AKR1B10: variants seen among roughly 807,000 people sequenced by gnomAD.
AKR1B10 encodes the protein ARP.
In AKR1B10, 39 loss-of-function variants were observed where a neutral mutation model predicts 38.9. The ratio of observed to expected loss-of-function variants is 1.00; its 90% CI spans 0.78 to 1.31. The LOEUF is 1.31. Among genes scored for constraint, AKR1B10 ranks in the 50% most tolerant of loss-of-function variants. The pLI is 0.00. For missense variants in AKR1B10, 361 were observed against 382.6 expected (o/e 0.94, Z 0.47); for synonymous variants, 148 against 141.2 (o/e 1.05, Z -0.34).
intron 5 of AKR1B10, 78 bp downstream of exon 5, chr7:134,536,850 T>C (rs1808022859): frequency 1.3e-6 from 2 of 1,595,604 alleles, no homozygotes; most frequent in African/African-American, 1.3e-5. Flanking sequence ...TTCAATGCTA[T>C]GCCCTGAGTC....
At position 134,541,333 on chromosome 7, in the gene AKR1B10, A is replaced by G. The variant is rs2117559831; in HGVS notation, c.*244A>G. Reference sequence around the variant, plus strand: ...AATTTTTTCCACTTATCTGATCAGAACAAATGTTTATTAAGCATCAGAAAC... The same window carrying G: ...AATTTTTTCCACTTATCTGATCAGAGCAAATGTTTATTAAGCATCAGAAAC... On this transcript the variant is annotated 3_prime_UTR_variant, in exon 10 of 10. Coordinates refer to ENST00000359579, the MANE Select transcript of AKR1B10 (RefSeq NM_020299.5). 2.4e-6 allele frequency: 1 copy of G among 421,502 alleles called. No individual in the cohort carries two copies. The highest frequency in any genetic ancestry group is 4.2e-6 in the Non-Finnish European group (1 of 238,104). The allele number at this position is 421,502 out of a possible 1,614,324, so 26.1% of individuals were successfully genotyped here. A position where few individuals can be genotyped will look rare whatever the true frequency, so the allele number is the denominator to read the frequency against.
intron 6 of AKR1B10, 74 bp downstream of exon 6, chr7:134,537,231 A>G (rs897389768): frequency 2.0e-6 from 3 of 1,531,532 alleles, no homozygotes; most frequent in African/African-American, 1.4e-5. Context: ...AAATGTTGGT[A>G]TGGGTCCATA....
intron 2 of AKR1B10, among the ~76,000 whole-genome samples, chr7:134,531,042 C>A (rs576878579): frequency 6.6e-6 from 1 of 152,320 alleles, no homozygotes; most frequent in South Asian, 2.1e-4. Flanking sequence ...GGGCTTGGTT[C>A]CATGGAACCC....
intron 2 of AKR1B10, 61 bp downstream of exon 2, chr7:134,530,871 G>T (rs1807836559): frequency 6.5e-7 from 1 of 1,550,228 alleles, no homozygotes; most frequent in Non-Finnish European, 8.7e-7. Context: ...ATCTGGGTCG[G>T]GTTGGCAGCA....
chr7:134,533,009 G>A lies in AKR1B10; in HGVS notation c.357G>A (p.Gly119=). The change falls in exon 4 of 10, where the codon GGG becomes GGA. Residue 119 remains glycine, a synonymous_variant. Transcript: ENST00000359579. ...LIHWPQGFKS[G]DDLFPKDDKG... ...TTTTCATTCTGTGTTCACAGTCTGGGGATGACCTTTTCCCCAAAGATGATA... is the reference window on the plus strand; with the variant it reads ...TTTTCATTCTGTGTTCACAGTCTGGAGATGACCTTTTCCCCAAAGATGATA... 1 of 1,602,850 alleles carries A rather than the reference G, an allele frequency of 6.2e-7. No individual in the cohort carries two copies. The highest frequency in any genetic ancestry group is 8.5e-7 in the Non-Finnish European group (1 of 1,176,058).
intron 3 of AKR1B10, 105 bp from the exon 4 acceptor site, chr7:134,532,899 T>C (rs1807898933): frequency 2.3e-6 from 2 of 867,474 alleles, no homozygotes; most frequent in Non-Finnish European, 3.7e-6. Context: ...GAAAAAGTGG[T>C]ATGCAGATGT....
intron 9 of AKR1B10, among the ~76,000 whole-genome samples, chr7:134,539,730 T>C (rs1808099402): frequency 6.6e-6 from 1 of 152,154 alleles, no homozygotes; most frequent in African/African-American, 2.4e-5. Context: ...CTTAAAATCT[T>C]AGATAAGTGG....
rs1459375855 is a variant in AKR1B10, at chr7:134,540,010, GA to G, written c.908+994del. Among the ~76,000 whole-genome samples the G allele has an allele frequency of 2.0e-5, 3 of 152,272 alleles. No individual in the cohort carries two copies. In the East Asian group the frequency reaches 5.8e-4, roughly 29 times the overall value. On this transcript the variant is annotated intron_variant, in intron 9 of 9. Coordinates refer to ENST00000359579, the MANE Select transcript of AKR1B10 (RefSeq NM_020299.5). ...TGGGAGGCCAAGGTGGGCTGATCAA[GA>G]GGTCAGGAGATCAAGACCATCCTGG...
At chr7:134,540,381 G>A (rs1369805153) in intron 9 of AKR1B10, among the ~76,000 whole-genome samples, 1 of 120,002 alleles carries the variant, frequency 8.3e-6, no homozygotes, top group Non-Finnish European at 1.7e-5. Context: ...CAAAAAGGAA[G>A]GGTGAACGTA....
Position 134,533,017 on chromosome 7 carries a change from T to G in AKR1B10, c.365T>G (p.Leu122Arg), listed in dbSNP as rs1228322889. The G allele has an allele frequency of 1.3e-5, 20 of 1,598,488 alleles. No individual in the cohort carries two copies. Among genetic ancestry groups the G allele is most frequent in the Admixed American group, 1.8e-5 (1 of 56,680 alleles). ...WPQGFKSGDD[L>R]FPKDDKGNAI... ...CTGTGTTCACAGTCTGGGGATGACC[T>G]TTTCCCCAAAGATGATAAAGGTAAT... The change falls in exon 4 of 10, where the codon CTT becomes CGT. Residue 122 changes from leucine (L) to arginine (R), a missense_variant. Leu to Arg is a moderately radical substitution (Grantham distance 102). Around this residue, in one of 3 missense-constraint regions of AKR1B10, gnomAD observed 220 missense variants for 216.1 expected, o/e 1.02. Transcript: ENST00000359579.
In AKR1B10 at chr7:134,537,116, C is replaced by T. The variant is rs369681172; in HGVS notation, c.618C>T (p.Thr206=). 79 of 1,597,150 alleles carry T rather than the reference C, an allele frequency of 4.9e-5. No individual in the cohort carries two copies. The highest frequency in any genetic ancestry group is 6.8e-5 in the East Asian group (3 of 44,136). ...LIQYCHSKGI[T]VTAYSPLGSP... ...AGTACTGCCACTCCAAGGGCATCAC[C>T]GTTACGGCCTACAGCCCCCTGGGCT... The change falls in exon 6 of 10, where the codon ACC becomes ACT. Residue 206 remains threonine, a synonymous_variant. Coordinates refer to ENST00000359579, the MANE Select transcript of AKR1B10 (RefSeq NM_020299.5).
rs532336035 is a variant in AKR1B10, at chr7:134,535,531, G to A, written c.430-1119G>A. On this transcript the variant is annotated intron_variant, in intron 4 of 9. Coordinates refer to ENST00000359579, the MANE Select transcript of AKR1B10 (RefSeq NM_020299.5). ...ATGTCGTGCTTATCCCTGCCTCTGA[G>A]CTTTGCTCCTGCCTTCCTGTGTCAT... The A allele has an allele frequency of 7.6e-5, 66 of 869,970 alleles. 3 individuals are homozygous for A. The South Asian group carries it at 3.2e-3, about 42-fold the overall frequency. 53.9% of individuals were successfully genotyped at this position (869,970 alleles called of 1,614,324 possible). A position where few individuals can be genotyped will look rare whatever the true frequency, so the allele number is the denominator to read the frequency against.
In AKR1B10 at chr7:134,533,010, G is replaced by T; in HGVS notation, c.358G>T (p.Asp120Tyr). The T allele has an allele frequency of 6.2e-7, 1 of 1,603,232 alleles. No homozygotes were observed. The highest frequency in any genetic ancestry group is 1.7e-4 in the Middle Eastern group (1 of 6,034). ...TTTCATTCTGTGTTCACAGTCTGGG[G>T]ATGACCTTTTCCCCAAAGATGATAA... ...IHWPQGFKSGDDLFPKDDKGN... is the reference protein window; with the variant it reads ...IHWPQGFKSGYDLFPKDDKGN... Residue 120 changes from aspartate to tyrosine, a missense_variant, in exon 4 of 10, where the codon GAT becomes TAT. Asp to Tyr is a radical substitution (Grantham distance 160, BLOSUM62 -3). Coordinates refer to ENST00000359579, the MANE Select transcript of AKR1B10 (RefSeq NM_020299.5).
intron 4 of AKR1B10, among the ~76,000 whole-genome samples, chr7:134,536,042 G>A (rs1278167597): frequency 6.6e-6 from 1 of 152,218 alleles, no homozygotes; most frequent in African/African-American, 2.4e-5. Flanking sequence ...AGTGGGTCAG[G>A]CTTCAGTCCC....
rs545520295 is a variant in AKR1B10, at chr7:134,528,117, T to A, written c.66+140T>A. 3.0e-5 allele frequency: 34 copies of A among 1,139,562 alleles called. No individual in the cohort carries two copies. In the Admixed American group the frequency reaches 8.2e-4, roughly 28 times the overall value. 70.6% of individuals were successfully genotyped at this position (1,139,562 alleles called of 1,614,324 possible). On this transcript the variant is annotated intron_variant, in intron 1 of 9. Transcript: ENST00000359579. ...TTCAGCCCTGGAGCCAGGACTTAGG[T>A]TGCTTTCTTTTCTCAGAGCTGATTC...
At chr7:134,528,534 G>A (rs1334101798) in intron 1 of AKR1B10, among the ~76,000 whole-genome samples, 1 of 152,128 alleles carries the variant, frequency 6.6e-6, no homozygotes. Context: ...GACCAGCCTG[G>A]GCAACATGGC....
rs755310884 is a variant in AKR1B10, at chr7:134,537,540, G to A, written c.660-40G>A. ...GAGTGGTGTCCTTCTGTACATGGTA[G>A]CCATGGTGATTATTCACATCAGCAT... On this transcript the variant is annotated intron_variant, in intron 6 of 9. Coordinates refer to ENST00000359579, the MANE Select transcript of AKR1B10 (RefSeq NM_020299.5). The A allele has an allele frequency of 2.5e-6, 4 of 1,596,176 alleles. No individual in the cohort carries two copies. The South Asian group carries it at 3.3e-5, about 13-fold the overall frequency.
At chr7:134,528,694 C>T (rs1807762982) in intron 1 of AKR1B10, among the ~76,000 whole-genome samples, 2 of 152,042 alleles carry the variant, frequency 1.3e-5, no homozygotes, top group African/African-American at 4.8e-5. Context: ...CACTGCACTC[C>T]AGTCTGGGCA....
At position 134,527,790 on chromosome 7, in the gene AKR1B10, G is replaced by A; in HGVS notation, c.-122G>A. 4.2e-6 allele frequency: 6 copies of A among 1,433,894 alleles called. No homozygotes were observed. Among genetic ancestry groups the A allele is most frequent in the South Asian group, 1.3e-5 (1 of 78,374 alleles). The allele number at this position is 1,433,894 out of a possible 1,614,324, so 88.8% of individuals were successfully genotyped here. On this transcript the variant is annotated 5_prime_UTR_variant, in exon 1 of 10. Coordinates refer to ENST00000359579, the MANE Select transcript of AKR1B10 (RefSeq NM_020299.5). ...GAACCCAGGAGACAGAGGTTGTAGTGAGCTGAGATCGCACCACTGCACTCT... is the reference window on the plus strand; with the variant it reads ...GAACCCAGGAGACAGAGGTTGTAGTAAGCTGAGATCGCACCACTGCACTCT...
Sources: allele counts gnomAD v4.1 joint callset (sites outside exome capture counted in the v4.1 genomes callset), GRCh38; gene constraint gnomAD v4.1.1; regional missense constraint gnomAD v4.1.1; transcripts MANE v1.5; gene names NCBI Gene and HGNC (gene_info 2026-07-23, HGNC 2026-07-21).